HNRNPA2B1: variants seen among roughly 807,000 people sequenced by gnomAD.
HNRNPA2B1 encodes the protein heterogeneous nuclear ribonucleoprotein A2/B1, also known as heterogeneous nuclear ribonucleoproteins A2/B1.
In HNRNPA2B1, 3 loss-of-function variants were observed where a neutral mutation model predicts 46.3. The ratio of observed to expected loss-of-function variants is 0.06; its 90% CI spans 0.03 to 0.17. The LOEUF is 0.17. Among genes scored for constraint, HNRNPA2B1 ranks in the 10% least tolerant of loss-of-function variants. The pLI, the probability that HNRNPA2B1 is intolerant of heterozygous loss-of-function variation, is 1.00. For missense variants in HNRNPA2B1, 221 were observed against 418.9 expected (o/e 0.53, Z 4.12); for synonymous variants, 225 against 133.8 (o/e 1.68, Z -4.70).
At chr7:26,199,075 TTTATTC>T (rs1219121301) in intron 1 of HNRNPA2B1, 2 of 152,338 alleles carry the variant, frequency 1.3e-5, no homozygotes, top group East Asian at 3.8e-4. Flanking sequence ...TCAGCTAGTT[TTTATTC>T]TTAATTGTCG....
At chr7:26,198,641 T>C (rs1334496245) in intron 1 of HNRNPA2B1, 1 of 152,252 alleles carries the variant, frequency 6.6e-6, no homozygotes, top group East Asian at 1.9e-4. Flanking sequence ...ACCTCAGAGC[T>C]GAAATCTTTA....
At chr7:26,197,127 G>C (rs146329231) in intron 3 of HNRNPA2B1, 110 bp from the exon 4 acceptor site, 103 of 1,099,024 alleles carry the variant, frequency 9.4e-5, no homozygotes, top group Non-Finnish European at 1.3e-4. Context: ...AAAACTACCA[G>C]ATATAAAATA....
intron 1 of HNRNPA2B1, chr7:26,200,229 G>A (rs1029101736): frequency 3.1e-5 from 10 of 319,414 alleles, no homozygotes; most frequent in Admixed American, 9.3e-5. Context: ...AACGCTCGCC[G>A]AGGAGACGCC....
intron 1 of HNRNPA2B1, chr7:26,199,337 C>G (rs1784071247): frequency 6.6e-6 from 1 of 152,482 alleles, no homozygotes. Context: ...ACCAAGATTG[C>G]AAACAAAATG....
At chr7:26,198,493 T>G (rs951840287) in intron 1 of HNRNPA2B1, 1 of 152,310 alleles carries the variant, frequency 6.6e-6, no homozygotes, top group Non-Finnish European at 1.5e-5. Context: ...TATGAATTAC[T>G]CAGCTTAACC....
At chr7:26,197,150 C>G in intron 3 of HNRNPA2B1, 133 bp from the exon 4 acceptor site, 1 of 1,127,768 alleles carries the variant, frequency 8.9e-7, no homozygotes, top group South Asian at 1.5e-5. Context: ...TTTTAGGGAC[C>G]TAGCTTTTGA....
chr7:26,194,109 T>C (rs1201397685), intron 7 of HNRNPA2B1, among the ~76,000 whole-genome samples: 1 of 152,208 alleles, frequency 6.6e-6, no homozygotes, highest in Non-Finnish European at 1.5e-5. Flanking sequence ...TAAAACAATG[T>C]TCTCGGTTGG....
intron 1 of HNRNPA2B1, chr7:26,198,016 T>C (rs998446432): frequency 3.8e-5 from 17 of 444,844 alleles, no homozygotes; most frequent in Non-Finnish European, 5.1e-5. Context: ...TAAATTATCT[T>C]AAATTATTAA....
intron 3 of HNRNPA2B1, 117 bp downstream of exon 3, chr7:26,197,198 A>ACACAC: frequency 7.7e-7 from 1 of 1,305,670 alleles, no homozygotes; most frequent in East Asian, 2.3e-5. Flanking sequence ...CAGAAACCCA[A>ACACAC]CACACCTTTA....
At chr7:26,199,018 G>A (rs953202366) in intron 1 of HNRNPA2B1, 4 of 152,054 alleles carry the variant, frequency 2.6e-5, no homozygotes, top group African/African-American at 9.7e-5. Context: ...GAGACACAAA[G>A]CAGTCTTTTG....
intron 3 of HNRNPA2B1, 60 bp from the exon 4 acceptor site, chr7:26,197,077 G>C: frequency 7.4e-7 from 1 of 1,356,910 alleles, no homozygotes; most frequent in African/African-American, 1.4e-5. Flanking sequence ...ATAATTCAAA[G>C]CACCCAACCG....
At chr7:26,200,413 C>A in intron 1 of HNRNPA2B1, 159 bp downstream of exon 1, 1 of 768,536 alleles carries the variant, frequency 1.3e-6, no homozygotes, top group Non-Finnish European at 2.3e-6. Flanking sequence ...ACGCTCAGGC[C>A]TCCGCTCAAG....
chr7:26,197,514 T>C, intron 2 of HNRNPA2B1, 53 bp from the exon 3 acceptor site: 1 of 1,591,800 alleles, frequency 6.3e-7, no homozygotes, highest in Non-Finnish European at 8.6e-7. Context: ...AGCTTATAAG[T>C]GAAGTCATAA....
At chr7:26,197,887 TACATC>T in intron 1 of HNRNPA2B1, 155 bp from the exon 2 acceptor site, 1 of 1,571,104 alleles carries the variant, frequency 6.4e-7, no homozygotes, top group Non-Finnish European at 8.6e-7. Context: ...AAAAAAAACT[TACATC>T]AAATTTAAAC....
At chr7:26,196,211 ACAACTGTTATT>A (rs1380171367) in intron 6 of HNRNPA2B1, among the ~76,000 whole-genome samples, 179 bp downstream of exon 6, 1 of 152,232 alleles carries the variant, frequency 6.6e-6, no homozygotes, top group African/African-American at 2.4e-5. Flanking sequence ...CCAGATAAAT[ACAACTGTTATT>A]AATACAACTC....
intron 9 of HNRNPA2B1, among the ~76,000 whole-genome samples, 191 bp downstream of exon 9, chr7:26,193,060 C>A (rs1390775990): frequency 6.6e-6 from 1 of 152,078 alleles, no homozygotes; most frequent in Non-Finnish European, 1.5e-5. Flanking sequence ...TCCCTAATCC[C>A]AATTTGATGT....
chr7:26,196,042 T>C (rs1484918865), intron 6 of HNRNPA2B1, 133 bp from the exon 7 acceptor site: 2 of 1,246,888 alleles, frequency 1.6e-6, no homozygotes, highest in Non-Finnish European at 2.2e-6. Flanking sequence ...GTGCTACCAG[T>C]TTACCCACAA....
At position 26,200,743 on chromosome 7, in the gene HNRNPA2B1, T is replaced by TA; in HGVS notation, c.-167dup. On this transcript the variant is annotated 5_prime_UTR_variant, in exon 1 of 11. Coordinates refer to ENST00000618183, the MANE Select transcript of HNRNPA2B1 (RefSeq NM_002137.4). The stretch of plus-strand genomic sequence containing the variant: ...TCCGCACGGGACCCGGCGCTGCTGC[T>TA]ACTGCCGCTAGAGCCGCTGCCGCCG... 3.4e-5 allele frequency: 28 copies of TA among 833,770 alleles called. No homozygotes were observed. In the South Asian group the frequency reaches 3.9e-4, roughly 12 times the overall value. The allele number at this position is 833,770 out of a possible 1,614,324, so 51.6% of individuals were successfully genotyped here.
At chr7:26,199,131 T>C (rs942476361) in intron 1 of HNRNPA2B1, 4 of 152,532 alleles carry the variant, frequency 2.6e-5, no homozygotes, top group African/African-American at 4.8e-5. Context: ...TTACGGATAA[T>C]GTACATTTAT....
Sources: gnomAD v4.1 joint callset for allele counts (sites outside exome capture counted in the v4.1 genomes callset) on GRCh38, gnomAD v4.1.1 for gene constraint, MANE v1.5 for transcripts, NCBI Gene and HGNC (gene_info 2026-07-23, HGNC 2026-07-21) for gene names.